The following MAP4K3 variants were observed in gnomAD, a reference collection of about 807,000 sequenced individuals.
MAP4K3 encodes the protein mitogen-activated protein kinase kinase kinase kinase 3.
MAP4K3 carries 94 observed loss-of-function variants against 143.5 expected under a neutral mutation model. The observed-to-expected ratio is 0.65, with a 90% CI of 0.55 to 0.78. The LOEUF is 0.78. Among genes scored for constraint, MAP4K3 ranks in the 30% least tolerant of loss-of-function variants. The pLI, the probability that MAP4K3 is intolerant of heterozygous loss-of-function variation, is 0.00. For synonymous variants in MAP4K3, 416 were observed against 347.2 expected (o/e 1.20, Z -2.20); for missense variants, 1,077 against 1,068.1 (o/e 1.01, Z -0.12).
chr2:39,413,992 T>C (rs1331689076), intron 1 of MAP4K3, among the ~76,000 whole-genome samples: 1 of 152,184 alleles, frequency 6.6e-6, no homozygotes, highest in Non-Finnish European at 1.5e-5. Flanking sequence ...TTACAATCTT[T>C]CAAGGTGACT....
intron 22 of MAP4K3, among the ~76,000 whole-genome samples, chr2:39,280,639 AC>A (rs1269018266): frequency 2.0e-5 from 3 of 152,140 alleles, no homozygotes; most frequent in African/African-American, 7.2e-5. Flanking sequence ...AATAATAGGA[AC>A]CAATTCTGCA....
chr2:39,363,433 C>T (rs556661758), intron 2 of MAP4K3, among the ~76,000 whole-genome samples: 4 of 152,098 alleles, frequency 2.6e-5, no homozygotes, highest in South Asian at 4.2e-4. Flanking sequence ...TTTTGGAGGC[C>T]GAGGTGGGTG....
intron 1 of MAP4K3, among the ~76,000 whole-genome samples, chr2:39,415,982 T>A (rs1490801262): frequency 0.098 from 1,950 of 19,970 alleles, 66 homozygotes; most frequent in Non-Finnish European, 0.11. Flanking sequence ...AAAAAAAAAA[T>A]ATATATATAT....
chr2:39,279,564 G>A (rs1303560073), intron 23 of MAP4K3, among the ~76,000 whole-genome samples: 1 of 152,158 alleles, frequency 6.6e-6, no homozygotes, highest in East Asian at 1.9e-4. Context: ...CAACTGTTGT[G>A]ATTATGGCCC....
Position 39,292,099 on chromosome 2 carries a change from T to G in MAP4K3, c.1271+674A>C, listed in dbSNP as rs557493868. On this transcript the variant is annotated intron_variant, in intron 18 of 33. Coordinates refer to ENST00000263881, the MANE Select transcript of MAP4K3 (RefSeq NM_003618.4). ...AGTAAAAATATTCCTCCTTTAAAACTATATATTTACATCCAAAGTATTTGT... is the reference window on the plus strand; with the variant it reads ...AGTAAAAATATTCCTCCTTTAAAACGATATATTTACATCCAAAGTATTTGT... 5.9e-5 allele frequency among the ~76,000 whole-genome samples: 9 copies of G among 152,098 alleles called. No individual in the cohort carries two copies. In the East Asian group the frequency reaches 1.7e-3, roughly 29 times the overall value.
intron 27 of MAP4K3, 128 bp downstream of exon 27, chr2:39,267,061 A>C: frequency 3.7e-6 from 3 of 821,772 alleles, no homozygotes; most frequent in Middle Eastern, 2.5e-4. Context: ...TGAAACAGCC[A>C]AGAAATTTGT....
At chr2:39,338,848 T>A (rs368017315) in intron 4 of MAP4K3, among the ~76,000 whole-genome samples, 4 of 152,328 alleles carry the variant, frequency 2.6e-5, no homozygotes, top group Admixed American at 6.5e-5. Context: ...GTGCACTCTA[T>A]GAGAAATGGG....
intron 24 of MAP4K3, among the ~76,000 whole-genome samples, chr2:39,276,803 C>A (rs928770327): frequency 3.3e-5 from 5 of 152,204 alleles, no homozygotes; most frequent in African/African-American, 7.2e-5. Flanking sequence ...AAGCTCCCCC[C>A]ACTCATTGTG....
At chr2:39,423,923 TA>T (rs1445673496) in intron 1 of MAP4K3, among the ~76,000 whole-genome samples, 1 of 152,224 alleles carries the variant, frequency 6.6e-6, no homozygotes, top group Non-Finnish European at 1.5e-5. Context: ...ATTAACATAA[TA>T]ATAATGTATC....
Position 39,325,970 on chromosome 2 carries a change from T to C in MAP4K3, c.663-9A>G, listed in dbSNP as rs370618139. The C allele has an allele frequency of 1.3e-6, 2 of 1,584,208 alleles. No homozygotes were observed. The highest frequency in any genetic ancestry group is 1.7e-6 in the Non-Finnish European group (2 of 1,158,604). On this transcript the variant is annotated splice_polypyrimidine_tract_variant and intron_variant, in intron 9 of 33. Transcript: ENST00000263881. ...TCATTAGAAATAATGCTCTGAAAAA[T>C]CAACAAATCATTACACAGCATTTTA...
intron 4 of MAP4K3, among the ~76,000 whole-genome samples, chr2:39,340,849 G>GT (rs1047684478): frequency 1.3e-5 from 2 of 152,074 alleles, no homozygotes; most frequent in Non-Finnish European, 2.9e-5. Flanking sequence ...TAATACAGCT[G>GT]TAAAATCAGT....
intron 12 of MAP4K3, among the ~76,000 whole-genome samples, chr2:39,320,386 A>T (rs1174671289): frequency 6.6e-6 from 1 of 152,196 alleles, no homozygotes; most frequent in Non-Finnish European, 1.5e-5. Flanking sequence ...GTGAAAAATC[A>T]AACCTTGACG....
intron 26 of MAP4K3, among the ~76,000 whole-genome samples, chr2:39,268,195 AACT>A (rs1316387215): frequency 1.3e-5 from 2 of 152,216 alleles, no homozygotes; most frequent in African/African-American, 4.8e-5. Context: ...TTTTTTTAAA[AACT>A]ACAATTTAAA....
chr2:39,378,356 T>C (rs1666274994), intron 1 of MAP4K3, among the ~76,000 whole-genome samples: 1 of 152,200 alleles, frequency 6.6e-6, no homozygotes, highest in African/African-American at 2.4e-5. Context: ...TTAGTACGGA[T>C]GTGCCAGGCA....
At chr2:39,435,117 A>G (rs1352737099) in intron 1 of MAP4K3, among the ~76,000 whole-genome samples, 9 of 152,112 alleles carry the variant, frequency 5.9e-5, no homozygotes, top group Admixed American at 3.3e-4. Flanking sequence ...AACTCCCCCA[A>G]CCAGTCATAA....
chr2:39,321,899 T>G (rs965820067), intron 12 of MAP4K3, among the ~76,000 whole-genome samples: 1 of 152,228 alleles, frequency 6.6e-6, no homozygotes, highest in Non-Finnish European at 1.5e-5. Flanking sequence ...CTCTCCCCAC[T>G]ATTGTCTTGT....
chr2:39,417,215 CT>C (rs1243263619), intron 1 of MAP4K3, among the ~76,000 whole-genome samples: 1,554 of 133,756 alleles, frequency 0.012, 8 homozygotes, highest in Admixed American at 0.017. Flanking sequence ...GGTTTCTTTT[CT>C]TTTTTTTTTT....
At chr2:39,264,258 A>G (rs1018515067) in intron 28 of MAP4K3, among the ~76,000 whole-genome samples, 5 of 152,208 alleles carry the variant, frequency 3.3e-5, no homozygotes, top group African/African-American at 1.2e-4. Context: ...TCTGCTTTAG[A>G]CAACTTATAA....
chr2:39,399,429 G>A (rs1666896714), intron 1 of MAP4K3, among the ~76,000 whole-genome samples: 1 of 152,158 alleles, frequency 6.6e-6, no homozygotes, highest in African/African-American at 2.4e-5. Flanking sequence ...CAGAGGAAAG[G>A]CCATTTCCAA....
Sources: allele counts gnomAD v4.1 joint callset (sites outside exome capture counted in the v4.1 genomes callset), GRCh38; gene constraint gnomAD v4.1.1; transcripts MANE v1.5; gene names NCBI Gene and HGNC (gene_info 2026-07-23, HGNC 2026-07-21).